KCNMA1: variants seen among roughly 807,000 people sequenced by gnomAD.
The protein encoded by KCNMA1 is Calcium-activated potassium channel subunit alpha-1.
KCNMA1 carries 29 observed loss-of-function variants against 140.0 expected under a neutral mutation model. The observed-to-expected ratio is 0.21, with a 90% CI of 0.15 to 0.28. The LOEUF (loss-of-function observed/expected upper bound fraction) is 0.28, where lower values mean the gene tolerates loss of function less well. Among genes scored for constraint, KCNMA1 ranks in the 10% least tolerant of loss-of-function variants. The probability of loss-of-function intolerance (pLI) is 1.00; values close to 1 mark genes in which losing one functional copy is unlikely to be tolerated. For missense variants in KCNMA1, 880 were observed against 1,602.2 expected (o/e 0.55, Z 7.70); for synonymous variants, 612 against 611.9 (o/e 1.00, Z 0.00).
intron 2 of KCNMA1, among the ~76,000 whole-genome samples, chr10:77,279,866 C>A (rs766957997): frequency 6.6e-6 from 1 of 152,156 alleles, no homozygotes; most frequent in Non-Finnish European, 1.5e-5. Flanking sequence ...TAAGACTTGC[C>A]TTTTGCTTTC....
chr10:77,203,813 T>C (rs2043182354), intron 3 of KCNMA1, among the ~76,000 whole-genome samples: 1 of 152,058 alleles, frequency 6.6e-6, no homozygotes, highest in African/African-American at 2.4e-5. Flanking sequence ...GAACTTAAAT[T>C]AGGCTAGGCG....
At position 77,396,759 on chromosome 10, in the gene KCNMA1, T is replaced by C. The variant is rs886388063; in HGVS notation, c.540+7103A>G. Among the ~76,000 whole-genome samples, 5 of 152,236 alleles carry C rather than the reference T, an allele frequency of 3.3e-5. No homozygotes were observed. The East Asian group carries it at 9.6e-4, about 29-fold the overall frequency. On this transcript the variant is annotated intron_variant, in intron 2 of 27. Transcript: ENST00000286628. ...TCTTCTTACATCGATAAATCATCCC[T>C]ATACATTCAAGCAAGTAGCATATGC...
intron 1 of KCNMA1, among the ~76,000 whole-genome samples, chr10:77,597,406 G>T (rs1219908404): frequency 6.6e-6 from 1 of 152,016 alleles, no homozygotes; most frequent in East Asian, 1.9e-4. Context: ...AAATACTCAA[G>T]GTGATGGATA....
chr10:77,321,436 C>T (rs1281308160), intron 2 of KCNMA1, among the ~76,000 whole-genome samples: 1 of 152,224 alleles, frequency 6.6e-6, no homozygotes, highest in East Asian at 1.9e-4. Context: ...AGAAGCATGG[C>T]TCCAAGAAGC....
At chr10:77,618,135 G>A (rs1403207782) in intron 1 of KCNMA1, among the ~76,000 whole-genome samples, 1 of 152,116 alleles carries the variant, frequency 6.6e-6, no homozygotes, top group Non-Finnish European at 1.5e-5. Context: ...GAGACCTTCA[G>A]GGGCCCCTAG....
At chr10:77,134,057 A>T (rs2097920918) in intron 5 of KCNMA1, among the ~76,000 whole-genome samples, 1 of 152,214 alleles carries the variant, frequency 6.6e-6, no homozygotes, top group Non-Finnish European at 1.5e-5. Flanking sequence ...GATGGACCTC[A>T]TACCATAATG....
At chr10:77,251,452 G>A (rs1005667217) in intron 2 of KCNMA1, among the ~76,000 whole-genome samples, 196 bp from the exon 3 acceptor site, 2 of 152,104 alleles carry the variant, frequency 1.3e-5, no homozygotes, top group East Asian at 1.9e-4. Context: ...CAGCAACCTC[G>A]CTCCTTGCCA....
chr10:76,903,010 T>A (rs905005848), intron 25 of KCNMA1: 3 of 152,336 alleles, frequency 2.0e-5, no homozygotes, highest in African/African-American at 7.2e-5. Context: ...GGTGGCCCGC[T>A]TGGCCTCTAA....
intron 21 of KCNMA1, 120 bp from the exon 22 acceptor site, chr10:76,949,486 C>T: frequency 1.2e-6 from 1 of 826,064 alleles, no homozygotes; most frequent in Non-Finnish European, 2.0e-6. Flanking sequence ...TTACTATGTG[C>T]TATTATTTTT....
intron 2 of KCNMA1, among the ~76,000 whole-genome samples, chr10:77,398,153 GTGT>G (rs2096130810): frequency 6.6e-6 from 1 of 151,704 alleles, no homozygotes; most frequent in African/African-American, 2.4e-5. Flanking sequence ...ATTGTGAGTA[GTGT>G]TGTGATAAAC....
rs548176315 is a variant in KCNMA1 at position 77,119,876 on chromosome 10, G to A, written c.884+1097C>T. On this transcript the variant is annotated intron_variant, in intron 6 of 27. Coordinates refer to ENST00000286628, the MANE Select transcript of KCNMA1 (RefSeq NM_001161352.2). ...CACATAGATGAGCAGTCAGAGAGAG[G>A]AAACCAATTTGGAATTAAAGCAAAA... 2.0e-5 allele frequency among the ~76,000 whole-genome samples: 3 copies of A among 152,208 alleles called. No homozygotes were observed. In the East Asian group the frequency reaches 5.8e-4, roughly 29 times the overall value.
intron 25 of KCNMA1, among the ~76,000 whole-genome samples, chr10:76,908,374 T>C (rs2048656567): frequency 6.6e-6 from 1 of 152,250 alleles, no homozygotes; most frequent in Non-Finnish European, 1.5e-5. Flanking sequence ...TTTATCTCCT[T>C]GTTGGCTTGG....
At chr10:76,884,794 G>A, downstream of KCNMA1, 1 of 718,218 alleles carries the variant, frequency 1.4e-6, no homozygotes, top group South Asian at 2.6e-5. Context: ...GAGAGGGAAA[G>A]GGGAGGGGGG....
Position 77,081,626 on chromosome 10 carries a change from C to T in KCNMA1, c.1524-2076G>A, listed in dbSNP as rs12253946. On this transcript the variant is annotated intron_variant, in intron 12 of 27. Transcript: ENST00000286628. ...ACGTACGAATTTAGGAAATGGATCACGCTAAAGCCTCTCCCAGCACAAATT... is the reference window on the plus strand; with the variant it reads ...ACGTACGAATTTAGGAAATGGATCATGCTAAAGCCTCTCCCAGCACAAATT... Among the ~76,000 whole-genome samples the T allele has an allele frequency of 1.3e-3, 197 of 152,294 alleles. 1 individual carries two copies. Among genetic ancestry groups the T allele is most frequent in the Admixed American group, 3.5e-3 (53 of 15,304 alleles).
chr10:76,942,089 AG>A (rs933684086), intron 23 of KCNMA1, among the ~76,000 whole-genome samples: 46 of 152,318 alleles, frequency 3.0e-4, no homozygotes, highest in African/African-American at 1.1e-3. Flanking sequence ...CTCCTGCCTC[AG>A]CCTCCCGAGT....
chr10:76,887,772 C>T (rs982029386), intron 27 of KCNMA1: 27 of 516,888 alleles, frequency 5.2e-5, no homozygotes, highest in African/African-American at 7.7e-5. Context: ...AACCAAACTT[C>T]GCTTCTCGTG....
At chr10:77,084,128 TTC>T (rs1167715981) in intron 12 of KCNMA1, among the ~76,000 whole-genome samples, 1 of 151,974 alleles carries the variant, frequency 6.6e-6, no homozygotes, top group Non-Finnish European at 1.5e-5. Flanking sequence ...GGCCAGACAA[TTC>T]TCTGTTTTGG....
At chr10:77,230,575 A>G (rs966952548) in intron 3 of KCNMA1, among the ~76,000 whole-genome samples, 5 of 152,224 alleles carry the variant, frequency 3.3e-5, no homozygotes, top group East Asian at 1.9e-4. Flanking sequence ...GCGGAATTAC[A>G]TAGCTAAAGT....
intron 5 of KCNMA1, among the ~76,000 whole-genome samples, chr10:77,176,392 G>GAGTA (rs2098751759): frequency 6.6e-6 from 1 of 152,146 alleles, no homozygotes; most frequent in Admixed American, 6.5e-5. Context: ...CCAAACCTCA[G>GAGTA]AGTAAGTTGC....
Sources: gnomAD v4.1 joint callset for allele counts (sites outside exome capture counted in the v4.1 genomes callset) on GRCh38, gnomAD v4.1.1 for gene constraint, MANE v1.5 for transcripts, NCBI Gene and HGNC (gene_info 2026-07-23, HGNC 2026-07-21) for gene names.